UNC80: variants seen among roughly 807,000 people sequenced by gnomAD.
The protein encoded by UNC80 is protein unc-80 homolog.
In UNC80, 164 loss-of-function variants were observed where a neutral mutation model predicts 384.6. The observed-to-expected ratio is 0.43, with a 90% CI of 0.38 to 0.49. The LOEUF (loss-of-function observed/expected upper bound fraction) is 0.49. UNC80 is among the 20% of genes least tolerant of loss of function. UNC80 has a pLI of 0.00. For synonymous variants in UNC80, 1,486 were observed against 1,527.8 expected (o/e 0.97, Z 0.64); for missense variants, 3,330 against 4,143.0 (o/e 0.80, Z 5.39).
intron 47 of UNC80, among the ~76,000 whole-genome samples, chr2:209,947,645 G>A (rs747136477): frequency 2.1e-4 from 32 of 151,938 alleles, no homozygotes; most frequent in Non-Finnish European, 4.4e-4. Flanking sequence ...TGGTTCCCTG[G>A]GATATCTCTC....
At chr2:209,953,907 G>C (rs1384778309) in intron 47 of UNC80, among the ~76,000 whole-genome samples, 193 bp from the exon 48 acceptor site, 1 of 152,182 alleles carries the variant, frequency 6.6e-6, no homozygotes, top group Non-Finnish European at 1.5e-5. Context: ...TCGCCTTTTA[G>C]CAGGTGGTTA....
At chr2:209,830,271 A>G (rs1462078127) in intron 15 of UNC80, among the ~76,000 whole-genome samples, 1 of 152,220 alleles carries the variant, frequency 6.6e-6, no homozygotes, top group Non-Finnish European at 1.5e-5. Flanking sequence ...AAAATAAAAT[A>G]TTGCTCCTCT....
In UNC80 at chr2:209,786,079, C is replaced by A. The variant is rs932648103; in HGVS notation, c.614C>A (p.Thr205Asn). 3.1e-6 allele frequency: 5 copies of A among 1,613,810 alleles called. No homozygotes were observed. Among genetic ancestry groups the A allele is most frequent in the Non-Finnish European group, 2.5e-6 (3 of 1,179,890 alleles). ...LVHRIKESDL[T>N]FRLASGLVIW... is the part of the protein sequence containing the mutation. ...CCTCCCCCCTAGGAATCTGACCTCA[C>A]CTTCCGTCTGGCCAGTGGGCTTGTT... The change falls in exon 5 of 65, where the codon ACC becomes AAC. Residue 205 changes from threonine to asparagine, a missense_variant. Thr to Asn is a moderately conservative substitution (Grantham distance 65). This residue lies in a region of UNC80 where 937 missense variants were observed against 1,026.8 expected (regional missense o/e 0.91). Coordinates refer to ENST00000673920, the MANE Select transcript of UNC80 (RefSeq NM_001371986.1).
At chr2:209,915,414 A>C (rs1295328339) in intron 31 of UNC80, among the ~76,000 whole-genome samples, 1 of 151,442 alleles carries the variant, frequency 6.6e-6, no homozygotes. Flanking sequence ...CAAAAAAAAA[A>C]AAAAAAAAAA....
chr2:209,809,158 G>A (rs2079147836), intron 7 of UNC80: 1 of 614,522 alleles, frequency 1.6e-6, no homozygotes, highest in Non-Finnish European at 2.9e-6. Flanking sequence ...GGAGGCGGAG[G>A]CCGATACCAC....
intron 13 of UNC80, among the ~76,000 whole-genome samples, chr2:209,820,882 A>T (rs1409045821): frequency 1.3e-5 from 2 of 152,170 alleles, no homozygotes; most frequent in African/African-American, 4.8e-5. Context: ...TCCAATATCT[A>T]TTGCCATCCA....
At chr2:209,802,056 G>A (rs914255546) in intron 7 of UNC80, among the ~76,000 whole-genome samples, 10 of 152,024 alleles carry the variant, frequency 6.6e-5, no homozygotes, top group South Asian at 2.1e-4. Context: ...GGTCAATGGC[G>A]ATAAGCATTT....
chr2:209,790,730 G>A (rs950666420), intron 6 of UNC80, among the ~76,000 whole-genome samples: 3 of 152,150 alleles, frequency 2.0e-5, no homozygotes, highest in African/African-American at 7.2e-5. Context: ...ATTCTGGGTT[G>A]AAAATTTTAA....
chr2:209,792,409 G>A (rs1031537489), intron 6 of UNC80, among the ~76,000 whole-genome samples: 3 of 152,198 alleles, frequency 2.0e-5, no homozygotes, highest in East Asian at 3.8e-4. Flanking sequence ...GTGCAGTGGC[G>A]CGATCTTGGC....
At chr2:209,804,096 T>C (rs1206574893) in intron 7 of UNC80, among the ~76,000 whole-genome samples, 1 of 152,144 alleles carries the variant, frequency 6.6e-6, no homozygotes, top group Non-Finnish European at 1.5e-5. Flanking sequence ...CATTACTTCC[T>C]ACTCATCTAT....
chr2:209,960,833 CTAGATGGGAGCCTTCAGAGAAAGGGGAGG>C (rs2092566058), intron 51 of UNC80: 1 of 152,210 alleles, frequency 6.6e-6, no homozygotes, highest in African/African-American at 2.4e-5. Context: ...AGTTCAGCTC[CTAGATGGGAGCCTTCAGAGAAAGGGGAGG>C]GACATTTGGA....
At chr2:209,986,603 G>A (rs974728772) in intron 61 of UNC80, among the ~76,000 whole-genome samples, 1 of 152,214 alleles carries the variant, frequency 6.6e-6, no homozygotes, top group Non-Finnish European at 1.5e-5. Context: ...TTTGATGACT[G>A]TCTTAGATCA....
At position 209,976,802 on chromosome 2, in the gene UNC80, C is replaced by A; in HGVS notation, c.8773-111C>A. ...CCTGTGTAAAGTGCCGTTCTAGGAA[C>A]ATCACATGCATTACCTTATTTATTC... On this transcript the variant is annotated intron_variant, in intron 57 of 64. Transcript: ENST00000673920. The surrounding 1 kb of genome is among the most constrained non-coding windows in gnomAD (Gnocchi z 4.3). The A allele has an allele frequency of 8.2e-7, 1 of 1,222,358 alleles. No homozygotes were observed. Among genetic ancestry groups the A allele is most frequent in the Non-Finnish European group, 1.1e-6 (1 of 899,082 alleles). The allele number at this position is 1,222,358 out of a possible 1,614,324, so 75.7% of individuals were successfully genotyped here.
rs927399444 is a variant in UNC80 at position 209,830,651 on chromosome 2, C to T, written c.2627-792C>T. Among the ~76,000 whole-genome samples the T allele has an allele frequency of 5.9e-5, 9 of 152,236 alleles. No homozygotes were observed. The East Asian group carries it at 1.5e-3, about 26-fold the overall frequency. ...TGGTGAATATTGGAGCTGCCCATGC[C>T]CTTTGTCACATTTCACAGGTAGTTC... is the stretch of plus-strand genomic sequence containing the variant. On this transcript the variant is annotated intron_variant, in intron 15 of 64. Transcript: ENST00000673920.
rs1331140655 is a variant in UNC80, at chr2:209,973,170, G to C, written c.8487G>C (p.Met2829Ile). The C allele has an allele frequency of 1.9e-6, 3 of 1,551,662 alleles. No homozygotes were observed. Among genetic ancestry groups the C allele is most frequent in the South Asian group, 2.4e-5 (2 of 84,052 alleles). The change falls in exon 56 of 65, where the codon ATG becomes ATC. Residue 2829 changes from methionine (M) to isoleucine (I), a missense_variant. Coordinates refer to ENST00000673920, the MANE Select transcript of UNC80 (RefSeq NM_001371986.1). ...GCACATCCAGGAGCAAGAACTTCATGTTAGAGAGCTCCCCAGCCCACTGCT... is the reference window on the plus strand; with the variant it reads ...GCACATCCAGGAGCAAGAACTTCATCTTAGAGAGCTCCCCAGCCCACTGCT... ...IISTSRSKNF[M>I]LESSPAHCST...
intron 25 of UNC80, among the ~76,000 whole-genome samples, chr2:209,882,587 A>T (rs2085398049): frequency 6.6e-6 from 1 of 152,180 alleles, no homozygotes; most frequent in Non-Finnish European, 1.5e-5. Flanking sequence ...TAATAACCTG[A>T]ATCTTTAATT....
chr2:209,954,371 A>G (rs74465551), intron 48 of UNC80, 101 bp downstream of exon 48: 96,566 of 1,225,626 alleles, frequency 0.079, 4,361 homozygotes, highest in Middle Eastern at 0.099. Context: ...CTAAAACCCA[A>G]TCTTTATTTA....
At chr2:209,828,764 C>T (rs1479419823) in intron 14 of UNC80, among the ~76,000 whole-genome samples, 2 of 152,128 alleles carry the variant, frequency 1.3e-5, no homozygotes, top group East Asian at 1.9e-4. Context: ...CCAGAGACTT[C>T]GGTCATTGTC....
chr2:209,810,462 G>A (rs2079257918), intron 7 of UNC80, among the ~76,000 whole-genome samples: 1 of 152,166 alleles, frequency 6.6e-6, no homozygotes, highest in Non-Finnish European at 1.5e-5. Context: ...TGAGAATGTT[G>A]TTTAAAATAA....
Sources: allele counts gnomAD v4.1 joint callset (sites outside exome capture counted in the v4.1 genomes callset), GRCh38; gene constraint gnomAD v4.1.1; regional missense constraint gnomAD v4.1.1; non-coding constraint Gnocchi (gnomAD v3.1); transcripts MANE v1.5; gene names NCBI Gene and HGNC (gene_info 2026-07-23, HGNC 2026-07-21).